Variants in GSDMC observed in about 807,000 individuals in gnomAD.
The protein encoded by GSDMC is gasdermin-C.
GSDMC carries 59 observed loss-of-function variants against 58.0 expected under a neutral mutation model. That is an observed-to-expected ratio of 1.02 (90% CI 0.82 to 1.26). The LOEUF is 1.26. Among genes scored for constraint, GSDMC ranks in the 50% most tolerant of loss-of-function variants. The probability of loss-of-function intolerance (pLI) is 0.00; values close to 1 mark genes in which losing one functional copy is unlikely to be tolerated. For synonymous variants in GSDMC, 241 were observed against 220.2 expected (o/e 1.09, Z -0.83); for missense variants, 659 against 598.5 (o/e 1.10, Z -1.06).
intron 1 of GSDMC, among the ~76,000 whole-genome samples, chr8:129,777,822 G>A (rs1281572524): frequency 2.0e-5 from 3 of 152,120 alleles, no homozygotes; most frequent in Non-Finnish European, 4.4e-5. Context: ...TTGGGCTCAA[G>A]TGATTCTCCG....
chr8:129,769,762 T>C (rs536116738), intron 3 of GSDMC, among the ~76,000 whole-genome samples: 2 of 152,244 alleles, frequency 1.3e-5, no homozygotes, highest in African/African-American at 2.4e-5. Flanking sequence ...GGAGGGGACA[T>C]TCAAACCACA....
the GSDMC span, chr8:129,730,141 CCCG>C: frequency 1.0e-6 from 1 of 996,048 alleles, no homozygotes; most frequent in Non-Finnish European, 1.4e-6. Context: ...AGAGATCTCA[CCCG>C]AAAAAATAAA....
intron 1 of GSDMC, among the ~76,000 whole-genome samples, chr8:129,777,889 A>C (rs2034290885): frequency 1.3e-5 from 2 of 152,048 alleles, no homozygotes; most frequent in Non-Finnish European, 2.9e-5. Context: ...CTGGCTTCCA[A>C]CTTTGGAATT....
At chr8:129,739,374 T>A in the GSDMC span, among the ~76,000 whole-genome samples, 1 of 152,226 alleles carries the variant, frequency 6.6e-6, no homozygotes, top group Non-Finnish European at 1.5e-5. Flanking sequence ...ATTAGAGCAT[T>A]TTGAGTAGAA....
the GSDMC span, among the ~76,000 whole-genome samples, chr8:129,725,132 T>G: frequency 8.5e-5 from 13 of 152,176 alleles, no homozygotes; most frequent in African/African-American, 2.9e-4. Context: ...TTTTCCACAT[T>G]CACATTCACA....
chr8:129,707,703 A>G, the GSDMC span, among the ~76,000 whole-genome samples: 1 of 152,222 alleles, frequency 6.6e-6, no homozygotes, highest in Non-Finnish European at 1.5e-5. Flanking sequence ...TATTCTACCA[A>G]TGCTTTCTAC....
intron 6 of GSDMC, among the ~76,000 whole-genome samples, chr8:129,758,185 C>A (rs181193325): frequency 1.3e-5 from 2 of 152,088 alleles, no homozygotes; most frequent in Admixed American, 1.3e-4. Flanking sequence ...GATAAAAACC[C>A]TTTAAAAACC....
chr8:129,738,054 A>T, the GSDMC span, among the ~76,000 whole-genome samples: 1 of 152,248 alleles, frequency 6.6e-6, no homozygotes, highest in South Asian at 2.1e-4. Flanking sequence ...CAACAGACAG[A>T]CATGTGAAAA....
the GSDMC span, among the ~76,000 whole-genome samples, chr8:129,737,366 C>G: frequency 2.0e-5 from 3 of 152,200 alleles, no homozygotes; most frequent in African/African-American, 7.2e-5. Context: ...AAGCTGGAAG[C>G]ATCACGCTAC....
chr8:129,747,479 T>C (rs2032991689), downstream of GSDMC, among the ~76,000 whole-genome samples: 1 of 152,116 alleles, frequency 6.6e-6, no homozygotes. Context: ...TGGAATACAC[T>C]AGAGTGAAGT....
chr8:129,736,039 T>C, the GSDMC span, among the ~76,000 whole-genome samples: 6 of 152,112 alleles, frequency 3.9e-5, no homozygotes, highest in Admixed American at 3.9e-4. Flanking sequence ...TCTACTCAAA[T>C]AAACTAGAAA....
At chr8:129,720,342 T>C in the GSDMC span, among the ~76,000 whole-genome samples, 27 of 152,302 alleles carry the variant, frequency 1.8e-4, no homozygotes, top group African/African-American at 6.3e-4. Context: ...TGAATTTGAG[T>C]ATGTACAATG....
At chr8:129,746,311 C>A (rs1182583664), downstream of GSDMC, among the ~76,000 whole-genome samples, 1 of 152,038 alleles carries the variant, frequency 6.6e-6, no homozygotes, top group Non-Finnish European at 1.5e-5. Context: ...AACTGAAGGT[C>A]ACAACACAAT....
intron 6 of GSDMC, among the ~76,000 whole-genome samples, chr8:129,759,574 A>C (rs2033575577): frequency 6.6e-6 from 1 of 152,232 alleles, no homozygotes; most frequent in Non-Finnish European, 1.5e-5. Flanking sequence ...ACATTTCTCA[A>C]AAGAAGACAT....
At chr8:129,737,339 C>G in the GSDMC span, among the ~76,000 whole-genome samples, 1 of 152,180 alleles carries the variant, frequency 6.6e-6, no homozygotes, top group Non-Finnish European at 1.5e-5. Context: ...CCAAGACAAT[C>G]CTAAGCCAAA....
chr8:129,734,056 A>T, the GSDMC span, among the ~76,000 whole-genome samples: 25,894 of 152,254 alleles, frequency 0.17, 2,921 homozygotes, highest in East Asian at 0.42. Flanking sequence ...CGATTCAATC[A>T]AGAGGAAGAA....
chr8:129,748,256 G>A lies in GSDMC; in HGVS notation c.*245C>T, dbSNP rs538318969. 6.6e-5 allele frequency: 22 copies of A among 335,670 alleles called. No individual in the cohort carries two copies. Among genetic ancestry groups the A allele is most frequent in the Non-Finnish European group, 7.0e-5 (13 of 186,380 alleles). The allele number at this position is 335,670 out of a possible 1,614,324, so 20.8% of individuals were successfully genotyped here. ...AATTTATACATAGTGAAACGCTTAC[G>A]TCTTTAACATACTATTTGAGGAGTT... is the stretch of plus-strand genomic sequence containing the variant. On this transcript the variant is annotated 3_prime_UTR_variant, in exon 14 of 14. Coordinates refer to ENST00000276708, the MANE Select transcript of GSDMC (RefSeq NM_031415.3).
chr8:129,778,849 T>TA (rs377533633), intron 1 of GSDMC, among the ~76,000 whole-genome samples: 33 of 143,032 alleles, frequency 2.3e-4, no homozygotes, highest in African/African-American at 7.7e-4. Flanking sequence ...AACAATCGTA[T>TA]AAAAAAAAAA....
At chr8:129,769,023 A>G (rs970696613) in intron 3 of GSDMC, among the ~76,000 whole-genome samples, 1 of 152,074 alleles carries the variant, frequency 6.6e-6, no homozygotes, top group African/African-American at 2.4e-5. Context: ...GGCTGCAGTG[A>G]GCCAGGATCT....
Sources: gnomAD v4.1 joint callset for allele counts (sites outside exome capture counted in the v4.1 genomes callset) on GRCh38, gnomAD v4.1.1 for gene constraint, MANE v1.5 for transcripts, NCBI Gene and HGNC (gene_info 2026-07-23, HGNC 2026-07-21) for gene names.